The following GABRB3 variants were observed in gnomAD, a reference collection of about 807,000 sequenced individuals.
The protein encoded by GABRB3 is gamma-aminobutyric acid type A receptor subunit beta3.
A neutral mutation model predicts 52.1 loss-of-function variants in GABRB3; 14 were observed. That is an observed-to-expected ratio of 0.27 (90% confidence interval 0.18 to 0.42). The LOEUF (loss-of-function observed/expected upper bound fraction) is 0.42, where lower values mean the gene tolerates loss of function less well. Ranked by LOEUF, GABRB3 falls within the 10% of genes least tolerant of loss-of-function variation. GABRB3 has a pLI of 1.00. For missense variants in GABRB3, 307 were observed against 609.1 expected, an observed-to-expected ratio of 0.50 and a Z score of 5.22; for synonymous variants, 260 against 232.3, an observed-to-expected ratio of 1.12 and a Z score of -1.08.
chr15:26,768,994 T>A, intron 3 of GABRB3, among the ~76,000 whole-genome samples: 1 of 152,236 alleles, frequency 6.6e-6, no homozygotes, highest in East Asian at 1.9e-4. Flanking sequence ...CATGCTTAAC[T>A]GATCTATATA....
chr15:26,558,056 T>C (rs1889821534), intron 8 of GABRB3: 1 of 152,218 alleles, frequency 6.6e-6, no homozygotes, highest in South Asian at 2.1e-4. Flanking sequence ...TGTATGTGTA[T>C]GTGTGGATAC....
At chr15:26,728,536 C>G (rs1889830132) in intron 3 of GABRB3, among the ~76,000 whole-genome samples, 1 of 152,178 alleles carries the variant, frequency 6.6e-6, no homozygotes, top group Non-Finnish European at 1.5e-5. Context: ...TGGGCTAGCT[C>G]CAGGCCCAAG....
intron 3 of GABRB3, among the ~76,000 whole-genome samples, chr15:26,667,415 G>C (rs77020676): frequency 5.3e-5 from 8 of 152,178 alleles, no homozygotes; most frequent in African/African-American, 1.9e-4. Flanking sequence ...ACCGGATGGA[G>C]TGCACCAGAA....
chr15:26,634,961 AAGT>A, intron 3 of GABRB3, among the ~76,000 whole-genome samples: 2 of 27,746 alleles, frequency 7.2e-5, no homozygotes, highest in African/African-American at 1.4e-4. Context: ...TTTCTCAAGT[AAGT>A]AAGAGATATA....
chr15:26,548,271 C>G (rs1889335724), intron 8 of GABRB3, 137 bp from the exon 9 acceptor site: 1 of 757,214 alleles, frequency 1.3e-6, no homozygotes, highest in Admixed American at 1.9e-5. Flanking sequence ...TCCAGCACTC[C>G]GTTTTATTGG....
intron 3 of GABRB3, among the ~76,000 whole-genome samples, chr15:26,654,583 C>T (rs111432783): frequency 9.2e-5 from 14 of 152,120 alleles, no homozygotes; most frequent in African/African-American, 3.1e-4. Context: ...AGTGAGACCC[C>T]GTCTCTCCAA....
intron 6 of GABRB3, among the ~76,000 whole-genome samples, chr15:26,568,495 C>T (rs566079703): frequency 7.8e-6 from 1 of 127,558 alleles, no homozygotes; most frequent in Admixed American, 9.7e-5. Flanking sequence ...ATTTTGTTTT[C>T]CTTTCTTTTT....
At chr15:26,561,283 G>A in intron 7 of GABRB3, 107 bp from the exon 8 acceptor site, 2 of 1,491,098 alleles carry the variant, frequency 1.3e-6, no homozygotes, top group South Asian at 1.1e-5. Flanking sequence ...TCAGAGATAA[G>A]GGGTTGAATA....
At chr15:26,736,982 C>T (rs1295173633) in intron 3 of GABRB3, among the ~76,000 whole-genome samples, 3 of 152,198 alleles carry the variant, frequency 2.0e-5, no homozygotes, top group African/African-American at 7.2e-5. Context: ...CAGCCTTGTC[C>T]TTTTGGGTTT....
intron 4 of GABRB3, among the ~76,000 whole-genome samples, chr15:26,604,720 A>G (rs890549821): frequency 4.3e-5 from 6 of 139,318 alleles, no homozygotes; most frequent in Admixed American, 1.4e-4. Flanking sequence ...CGGATGCAGA[A>G]GAACGAAACT....
At chr15:26,587,947 A>G (rs1331215127) in intron 4 of GABRB3, among the ~76,000 whole-genome samples, 1 of 152,100 alleles carries the variant, frequency 6.6e-6, no homozygotes, top group African/African-American at 2.4e-5. Flanking sequence ...TCGGAATCCA[A>G]TAGGACTGGG....
chr15:26,652,360 C>T (rs983234775), intron 3 of GABRB3, among the ~76,000 whole-genome samples: 3 of 152,256 alleles, frequency 2.0e-5, no homozygotes, highest in South Asian at 4.1e-4. Context: ...AGCTCTTACT[C>T]GGCACCATGG....
intron 6 of GABRB3, among the ~76,000 whole-genome samples, chr15:26,570,607 A>G (rs1890358868): frequency 6.6e-6 from 1 of 152,200 alleles, no homozygotes; most frequent in Admixed American, 6.5e-5. Flanking sequence ...ATGTTTCTGC[A>G]TTAAGTATAA....
chr15:26,772,916 G>T lies in GABRB3; in HGVS notation c.47C>A (p.Pro16Gln), dbSNP rs1181620612. 1 of 1,495,886 alleles carries T rather than the reference G, an allele frequency of 6.7e-7. No individual in the cohort carries two copies. Among genetic ancestry groups the T allele is most frequent in the African/African-American group, 1.4e-5 (1 of 68,986 alleles). 92.7% of individuals were successfully genotyped at this position (1,495,886 alleles called of 1,614,324 possible). Residue 16 changes from proline (P) to glutamine (Q), a missense_variant, in exon 1 of 9, where the codon CCG becomes CAG. This residue lies in a region of GABRB3 where 90 missense variants were observed against 86.4 expected (regional missense o/e 1.04). Transcript: ENST00000311550. ...GGRLFGIFSA[P>Q]VLVAVVCCAQ... Reference sequence around the variant, plus strand: ...GCAGCACACCACAGCCACCAGCACCGGGGCCGAGAAGATGCCGAAAAGCCT... The same window carrying T: ...GCAGCACACCACAGCCACCAGCACCTGGGCCGAGAAGATGCCGAAAAGCCT...
At chr15:26,564,356 AATGTATCTG>A (rs1226500463) in intron 7 of GABRB3, among the ~76,000 whole-genome samples, 1 of 152,180 alleles carries the variant, frequency 6.6e-6, no homozygotes, top group Non-Finnish European at 1.5e-5. Flanking sequence ...CTAACAGTTC[AATGTATCTG>A]ATGGTCAGAC....
intron 3 of GABRB3, among the ~76,000 whole-genome samples, chr15:26,744,126 C>T (rs775999780): frequency 6.6e-6 from 1 of 152,078 alleles, no homozygotes; most frequent in African/African-American, 2.4e-5. Context: ...TTACACGGGG[C>T]GAGGTTTTCT....
chr15:26,773,576 C>T (rs1221284943), upstream of GABRB3: 7 of 1,349,242 alleles, frequency 5.2e-6, no homozygotes, highest in Admixed American at 2.0e-5. Context: ...TGCCGCGCCT[C>T]TGCCCGCCGG....
intron 3 of GABRB3, among the ~76,000 whole-genome samples, chr15:26,667,578 C>T (rs1272316724): frequency 6.6e-6 from 1 of 152,168 alleles, no homozygotes; most frequent in Non-Finnish European, 1.5e-5. Flanking sequence ...TTCTTAAATT[C>T]ATAATATGTT....
chr15:26,694,792 G>T (rs966843335), intron 3 of GABRB3, among the ~76,000 whole-genome samples: 2 of 152,168 alleles, frequency 1.3e-5, no homozygotes, highest in Admixed American at 1.3e-4. Context: ...ATATGCTTAG[G>T]GCTCTAATAG....
Sources: allele counts gnomAD v4.1 joint callset (sites outside exome capture counted in the v4.1 genomes callset), GRCh38; gene constraint gnomAD v4.1.1; regional missense constraint gnomAD v4.1.1; transcripts MANE v1.5; gene names NCBI Gene and HGNC (gene_info 2026-07-23, HGNC 2026-07-21).